ZBTB16: variants seen among roughly 807,000 people sequenced by gnomAD.
ZBTB16 encodes zinc finger and BTB domain-containing protein 16.
A neutral mutation model predicts 56.8 loss-of-function variants in ZBTB16; 8 were observed. That is an observed-to-expected ratio of 0.14 (90% confidence interval 0.08 to 0.25). The LOEUF (loss-of-function observed/expected upper bound fraction) is 0.25, where lower values mean the gene tolerates loss of function less well. Ranked by LOEUF, ZBTB16 falls within the 10% of genes least tolerant of loss-of-function variation. The pLI, the probability that ZBTB16 is intolerant of heterozygous loss-of-function variation, is 1.00. For synonymous variants in ZBTB16, 363 were observed against 368.5 expected (o/e 0.98, Z 0.17); for missense variants, 625 against 903.0 (o/e 0.69, Z 3.95).
At chr11:114,244,632 T>TC (rs1171293764) in intron 5 of ZBTB16, among the ~76,000 whole-genome samples, 1 of 148,056 alleles carries the variant, frequency 6.8e-6, no homozygotes, top group Non-Finnish European at 1.5e-5. Context: ...TTTTTCTTTC[T>TC]TTTTTTTTTG....
intron 2 of ZBTB16, among the ~76,000 whole-genome samples, chr11:114,107,754 G>A (rs949775173): frequency 1.3e-5 from 2 of 152,168 alleles, no homozygotes; most frequent in African/African-American, 4.8e-5. Context: ...AAATGACCTT[G>A]GTGATGAATA....
chr11:114,175,533 C>G (rs755655225), intron 3 of ZBTB16, among the ~76,000 whole-genome samples: 4 of 151,582 alleles, frequency 2.6e-5, no homozygotes, highest in African/African-American at 9.7e-5. Context: ...TTCAGCTCAA[C>G]GCAACCTCCT....
chr11:114,069,421 A>G (rs372907407), intron 2 of ZBTB16, among the ~76,000 whole-genome samples: 1 of 152,212 alleles, frequency 6.6e-6, no homozygotes, highest in African/African-American at 2.4e-5. Flanking sequence ...CAGGAACCAC[A>G]GGGAATGTCT....
At chr11:114,089,501 G>A (rs558823001) in intron 2 of ZBTB16, among the ~76,000 whole-genome samples, 1 of 152,214 alleles carries the variant, frequency 6.6e-6, no homozygotes, top group African/African-American at 2.4e-5. Flanking sequence ...GTAGCACAGC[G>A]CAATGATCCA....
rs773365625 is a variant in ZBTB16 at position 114,064,545 on chromosome 11, T to C, written c.1245T>C (p.Asp415=). ...GCGTGTGTGGGGTCGAGCTTCCTGATAACGAGGCTGTGGAGCAGCACAGGT... is the reference window on the plus strand; with the variant it reads ...GCGTGTGTGGGGTCGAGCTTCCTGACAACGAGGCTGTGGAGCAGCACAGGT... ...QCSVCGVELP[D]NEAVEQHRKL... is the part of the protein sequence containing the mutation. Residue 415 remains aspartate, a synonymous_variant, in exon 2 of 7, where the codon GAT becomes GAC. Coordinates refer to ENST00000335953, the MANE Select transcript of ZBTB16 (RefSeq NM_006006.6). The surrounding 1 kb of genome is among the most constrained non-coding windows in gnomAD (Gnocchi z 4.2). 1.1e-5 allele frequency: 18 copies of C among 1,613,834 alleles called. No homozygotes were observed. The highest frequency in any genetic ancestry group is 1.4e-5 in the Non-Finnish European group (17 of 1,179,974).
rs973221704 is a variant in ZBTB16, at chr11:114,256,263, G to A, written c.*5708G>A. On this transcript the variant is annotated 3_prime_UTR_variant, in exon 7 of 7. Coordinates refer to ENST00000335953, the MANE Select transcript of ZBTB16 (RefSeq NM_006006.6). ...TATGATCCTTGGTACAATGTGCTAGGTAGGCACTTGTTCACTTATTCAGCA... is the reference window on the plus strand; with the variant it reads ...TATGATCCTTGGTACAATGTGCTAGATAGGCACTTGTTCACTTATTCAGCA... Among the ~76,000 whole-genome samples, 1 of 152,170 alleles carries A rather than the reference G, an allele frequency of 6.6e-6. No homozygotes were observed. The highest frequency in any genetic ancestry group is 6.5e-5 in the Admixed American group (1 of 15,274).
At chr11:114,227,357 G>A (rs1038412368) in intron 4 of ZBTB16, among the ~76,000 whole-genome samples, 1 of 152,206 alleles carries the variant, frequency 6.6e-6, no homozygotes, top group African/African-American at 2.4e-5. Context: ...TCATGCTGAC[G>A]GAGCCCCTTA....
At chr11:114,207,011 C>T (rs1943891522) in intron 4 of ZBTB16, among the ~76,000 whole-genome samples, 1 of 152,176 alleles carries the variant, frequency 6.6e-6, no homozygotes, top group Non-Finnish European at 1.5e-5. Flanking sequence ...GCGGCATGCT[C>T]TGTTTTTGAA....
chr11:114,199,743 C>T (rs1943691910), intron 4 of ZBTB16, among the ~76,000 whole-genome samples: 1 of 152,164 alleles, frequency 6.6e-6, no homozygotes, highest in African/African-American at 2.4e-5. Flanking sequence ...TCTGATCTTG[C>T]ATTGATGGTC....
In ZBTB16 at chr11:114,252,192, G is replaced by T. The variant is rs1033734808; in HGVS notation, c.*1637G>T. On this transcript the variant is annotated 3_prime_UTR_variant, in exon 7 of 7. Transcript: ENST00000335953. ...GGGAGTCACTTTTGGCTCCGCTGGTGCATGAAGTCACCTGTGGCCACCATC... is the reference window on the plus strand; with the variant it reads ...GGGAGTCACTTTTGGCTCCGCTGGTTCATGAAGTCACCTGTGGCCACCATC... 3.3e-5 allele frequency among the ~76,000 whole-genome samples: 5 copies of T among 152,138 alleles called. No individual in the cohort carries two copies. Among genetic ancestry groups the T allele is most frequent in the African/African-American group, 1.2e-4 (5 of 41,444 alleles).
At position 114,150,937 on chromosome 11, in the gene ZBTB16, G is replaced by A. The variant is rs764735391; in HGVS notation, c.1269-5400G>A. ...AGCACCAACTGCCCAGGTCCTGCTCGACAGGACCAGGAAGTTTGCATGGTG... is the reference window on the plus strand; with the variant it reads ...AGCACCAACTGCCCAGGTCCTGCTCAACAGGACCAGGAAGTTTGCATGGTG... On this transcript the variant is annotated intron_variant, in intron 2 of 6. Coordinates refer to ENST00000335953, the MANE Select transcript of ZBTB16 (RefSeq NM_006006.6). Among the ~76,000 whole-genome samples the A allele has an allele frequency of 3.3e-5, 5 of 152,214 alleles. No individual in the cohort carries two copies. In the East Asian group the frequency reaches 7.7e-4, roughly 23 times the overall value.
chr11:114,086,499 C>CA (rs1939962339), intron 2 of ZBTB16, among the ~76,000 whole-genome samples: 1 of 152,148 alleles, frequency 6.6e-6, no homozygotes, highest in Non-Finnish European at 1.5e-5. Flanking sequence ...TTTATCCCCC[C>CA]AGCCACAACC....
rs1250341636 is a variant in ZBTB16, at chr11:114,233,081, G to GCGCACACA, written c.1454-9085_1454-9084insGCACACAC. Among the ~76,000 whole-genome samples, 34 of 87,554 alleles carry GCGCACACA rather than the reference G, an allele frequency of 3.9e-4. 1 individual carries two copies. The highest frequency in any genetic ancestry group is 5.4e-3 in the Middle Eastern group (1 of 186). 57.4% of individuals were successfully genotyped at this position (87,554 alleles called of 152,430 possible). ...CACATACGCATGCGCGCGCGCGCGC[G>GCGCACACA]CACACACACACACACACACACACAC... On this transcript the variant is annotated intron_variant, in intron 4 of 6. Transcript: ENST00000335953.
intron 4 of ZBTB16, among the ~76,000 whole-genome samples, chr11:114,226,087 G>C (rs1432541080): frequency 1.3e-5 from 2 of 152,132 alleles, no homozygotes; most frequent in Non-Finnish European, 2.9e-5. Flanking sequence ...AAGCTTCTTG[G>C]GGCCAAGAAG....
At chr11:114,124,559 A>C (rs1160140772) in intron 2 of ZBTB16, among the ~76,000 whole-genome samples, 1 of 109,682 alleles carries the variant, frequency 9.1e-6, no homozygotes, top group Admixed American at 1.0e-4. Flanking sequence ...AAAAAAACCA[A>C]AAAAAAAAAA....
chr11:114,062,320 C>T (rs1938913161), intron 1 of ZBTB16, among the ~76,000 whole-genome samples: 1 of 152,054 alleles, frequency 6.6e-6, no homozygotes, highest in Admixed American at 6.5e-5. Flanking sequence ...TCAGGCTGGT[C>T]TCGAACTCCC....
rs79232157 is a variant in ZBTB16 at position 114,256,387 on chromosome 11, C to T, written c.*5832C>T. The stretch of plus-strand genomic sequence containing the variant: ...CCCTGGGGCTACCATGCTAGCGGGC[C>T]GCTGAGTCGGAATCCGTGGCTGTGT... On this transcript the variant is annotated 3_prime_UTR_variant, in exon 7 of 7. Coordinates refer to ENST00000335953, the MANE Select transcript of ZBTB16 (RefSeq NM_006006.6). Among the ~76,000 whole-genome samples, 3,215 of 152,198 alleles carry T rather than the reference C, an allele frequency of 0.021. 99 individuals are homozygous for T. Among genetic ancestry groups the T allele is most frequent in the African/African-American group, 0.072 (2,984 of 41,494 alleles).
chr11:114,242,482 G>A (rs936830823), intron 5 of ZBTB16, 145 bp downstream of exon 5: 30 of 1,218,140 alleles, frequency 2.5e-5, no homozygotes, highest in Middle Eastern at 2.6e-4. Flanking sequence ...GCTGCCCGTC[G>A]TGCAGGTAAA....
At chr11:114,150,040 T>G (rs116779878) in intron 2 of ZBTB16, among the ~76,000 whole-genome samples, 1,882 of 152,308 alleles carry the variant, frequency 0.012, 37 homozygotes, top group African/African-American at 0.043. Flanking sequence ...ACAGAGTGTA[T>G]AGTCTTAAGG....
Sources: gnomAD v4.1 joint callset for allele counts (sites outside exome capture counted in the v4.1 genomes callset) on GRCh38, gnomAD v4.1.1 for gene constraint, Gnocchi (gnomAD v3.1) non-coding constraint, MANE v1.5 for transcripts, NCBI Gene and HGNC (gene_info 2026-07-23, HGNC 2026-07-21) for gene names.